Variants in CSMD1 observed in about 807,000 individuals in gnomAD.
CSMD1 encodes CUB and sushi domain-containing protein 1.
A neutral mutation model predicts 417.5 loss-of-function variants in CSMD1; 213 were observed. The observed-to-expected ratio is 0.51, with a 90% CI of 0.46 to 0.57. The LOEUF (loss-of-function observed/expected upper bound fraction) is 0.57, where lower values mean the gene tolerates loss of function less well. Ranked by LOEUF, CSMD1 falls within the 20% of genes least tolerant of loss-of-function variation. The probability of loss-of-function intolerance (pLI) is 0.00; values close to 1 mark genes in which losing one functional copy is unlikely to be tolerated. For missense variants in CSMD1, 6,923 were observed against 4,529.7 expected, an observed-to-expected ratio of 1.53 and a Z score of -15.17; for synonymous variants, 2,862 against 1,736.8, an observed-to-expected ratio of 1.65 and a Z score of -16.11.
chr8:3,194,891 G>C (rs953700503), intron 33 of CSMD1, among the ~76,000 whole-genome samples: 1 of 152,068 alleles, frequency 6.6e-6, no homozygotes, highest in Non-Finnish European at 1.5e-5. Flanking sequence ...AGGAGCCTGG[G>C]AGAGGAGAAC....
intron 6 of CSMD1, among the ~76,000 whole-genome samples, chr8:3,742,096 G>T (rs754351877): frequency 6.6e-6 from 1 of 151,630 alleles, no homozygotes. Context: ...ACCTGGCTCT[G>T]CTGATGAGGA....
intron 2 of CSMD1, among the ~76,000 whole-genome samples, chr8:4,444,552 G>A (rs946291462): frequency 6.6e-6 from 1 of 151,760 alleles, no homozygotes; most frequent in African/African-American, 2.4e-5. Context: ...CATCTTTTAG[G>A]GGTTTTCTAA....
chr8:4,417,092 G>A (rs1345597488), intron 3 of CSMD1, among the ~76,000 whole-genome samples: 2 of 151,968 alleles, frequency 1.3e-5, no homozygotes, highest in East Asian at 3.9e-4. Context: ...TCTATATTTA[G>A]CAGTTAAAAT....
At chr8:3,825,439 G>C (rs915788094) in intron 5 of CSMD1, among the ~76,000 whole-genome samples, 56 of 152,268 alleles carry the variant, frequency 3.7e-4, no homozygotes, top group African/African-American at 1.3e-3. Flanking sequence ...TGAGGCAGTA[G>C]AATCGCTTGA....
intron 37 of CSMD1, among the ~76,000 whole-genome samples, chr8:3,180,212 A>G (rs532998919): frequency 7.9e-5 from 12 of 152,340 alleles, no homozygotes; most frequent in East Asian, 5.8e-4. Flanking sequence ...TCAAACGCCA[A>G]AAAAGATCTG....
chr8:3,190,303 A>G (rs1179602483), intron 33 of CSMD1, among the ~76,000 whole-genome samples, 188 bp from the exon 34 acceptor site: 1 of 106,190 alleles, frequency 9.4e-6, no homozygotes, highest in Non-Finnish European at 2.0e-5. Context: ...CAGATAGAGA[A>G]GTTAATAAAG....
intron 3 of CSMD1, among the ~76,000 whole-genome samples, chr8:4,356,696 CCTT>C (rs1801451931): frequency 6.6e-6 from 1 of 152,118 alleles, no homozygotes. Context: ...TGTGTTTTGT[CCTT>C]CTCACCGTGC....
intron 2 of CSMD1, among the ~76,000 whole-genome samples, chr8:4,520,239 G>C (rs970418908): frequency 6.6e-6 from 1 of 151,994 alleles, no homozygotes; most frequent in African/African-American, 2.4e-5. Context: ...ATTTTACCTG[G>C]GCTTTTGGGA....
intron 1 of CSMD1, among the ~76,000 whole-genome samples, chr8:4,795,988 T>C (rs1241292471): frequency 6.6e-6 from 1 of 152,166 alleles, no homozygotes. Context: ...CTCTGATATG[T>C]CATAAAGCAA....
At chr8:4,022,638 T>C (rs1467039304) in intron 4 of CSMD1, among the ~76,000 whole-genome samples, 2 of 152,042 alleles carry the variant, frequency 1.3e-5, no homozygotes, top group Non-Finnish European at 2.9e-5. Context: ...TCTGGAACCC[T>C]CTGGGTGAGC....
chr8:4,403,371 CCTCT>C (rs1199180989), intron 3 of CSMD1, among the ~76,000 whole-genome samples: 1 of 152,132 alleles, frequency 6.6e-6, no homozygotes, highest in Non-Finnish European at 1.5e-5. Context: ...CTCTACTTGA[CCTCT>C]CTAACTTCTC....
At chr8:3,629,394 A>C (rs2117242316) in intron 7 of CSMD1, among the ~76,000 whole-genome samples, 1 of 152,310 alleles carries the variant, frequency 6.6e-6, no homozygotes, top group African/African-American at 2.4e-5. Flanking sequence ...ACATATAGTT[A>C]TTGTTGGAAA....
chr8:4,079,833 C>T (rs755945111), intron 3 of CSMD1, among the ~76,000 whole-genome samples: 2 of 152,052 alleles, frequency 1.3e-5, no homozygotes, highest in Non-Finnish European at 2.9e-5. Context: ...AAACAGTAGC[C>T]AGGGATAATG....
chr8:3,547,064 G>C (rs7012594), intron 10 of CSMD1, among the ~76,000 whole-genome samples: 4,071 of 152,214 alleles, frequency 0.027, 182 homozygotes, highest in African/African-American at 0.092. Flanking sequence ...TTTAGCTGGA[G>C]ACCTGACTTA....
intron 11 of CSMD1, among the ~76,000 whole-genome samples, chr8:3,470,817 G>A (rs879774721): frequency 2.0e-5 from 3 of 152,206 alleles, no homozygotes; most frequent in Non-Finnish European, 2.9e-5. Flanking sequence ...CTTAATTCCT[G>A]GAAGATTTAT....
chr8:3,526,585 C>A (rs972408410), intron 10 of CSMD1, among the ~76,000 whole-genome samples: 2 of 152,140 alleles, frequency 1.3e-5, no homozygotes, highest in African/African-American at 2.4e-5. Flanking sequence ...TGTGTTTATT[C>A]TAGGGCAATG....
intron 52 of CSMD1, among the ~76,000 whole-genome samples, chr8:3,017,214 C>T (rs956819395): frequency 6.6e-6 from 1 of 152,182 alleles, no homozygotes; most frequent in African/African-American, 2.4e-5. Context: ...AGCTCCCTCC[C>T]AGTGGAACTG....
rs548550831 is a variant in CSMD1, at chr8:3,297,436, C to T, written c.3950+10259G>A. 5.4e-4 allele frequency among the ~76,000 whole-genome samples: 82 copies of T among 151,984 alleles called. 1 individual carries two copies. The highest frequency in any genetic ancestry group is 2.0e-3 in the African/African-American group (81 of 41,462). ...TATCAAGATGTATTATAAAGTAAAT[C>T]AGGAATTAAGTTAGGTTTTGTACTA... On this transcript the variant is annotated intron_variant, in intron 25 of 69. Coordinates refer to ENST00000635120, the MANE Select transcript of CSMD1 (RefSeq NM_033225.6).
intron 7 of CSMD1, among the ~76,000 whole-genome samples, chr8:3,621,793 G>C (rs182996015): frequency 6.6e-5 from 10 of 151,516 alleles, no homozygotes; most frequent in Non-Finnish European, 1.2e-4. Flanking sequence ...TTATTTTGTA[G>C]AAACAGGGTT....
Sources: allele counts gnomAD v4.1 joint callset (sites outside exome capture counted in the v4.1 genomes callset), GRCh38; gene constraint gnomAD v4.1.1; transcripts MANE v1.5; gene names NCBI Gene and HGNC (gene_info 2026-07-23, HGNC 2026-07-21).